EVC2: variants seen among roughly 807,000 people sequenced by gnomAD.
EVC2 encodes the protein EvC ciliary complex subunit 2.
EVC2 carries 148 observed loss-of-function variants against 149.3 expected under a neutral mutation model. The observed-to-expected ratio is 0.99, with a 90% confidence interval of 0.87 to 1.14. The LOEUF is 1.14. EVC2 is among the 50% of genes most tolerant of loss of function. EVC2 has a pLI of 0.00. For missense variants in EVC2, 1,854 were observed against 1,627.3 expected (o/e 1.14, Z -2.40); for synonymous variants, 776 against 649.9 (o/e 1.19, Z -2.95).
At chr4:5,568,779 G>A (rs763259284) in intron 19 of EVC2, 139 bp from the exon 20 acceptor site, 76 of 1,117,448 alleles carry the variant, frequency 6.8e-5, no homozygotes, top group Admixed American at 1.6e-4. Context: ...ACATGTTCCC[G>A]AACTTTCAGA....
Position 5,628,567 on chromosome 4 carries a change from C to T in EVC2, c.1878G>A (p.Lys626=), listed in dbSNP as rs1001648119. The T allele has an allele frequency of 3.7e-6, 6 of 1,613,984 alleles. No individual in the cohort carries two copies. The highest frequency in any genetic ancestry group is 1.7e-5 in the Admixed American group (1 of 59,996). Residue 626 remains lysine (K), a synonymous_variant, in exon 12 of 22, where the codon AAG becomes AAA. Coordinates refer to ENST00000344408, the MANE Select transcript of EVC2 (RefSeq NM_147127.5). Reference sequence around the variant, plus strand: ...ACAGTGTTGAGTGGTACCTCTCGTGCTTCTGAATGAGGTGAGTCAGCTGGG... The same window carrying T: ...ACAGTGTTGAGTGGTACCTCTCGTGTTTCTGAATGAGGTGAGTCAGCTGGG... The part of the protein sequence containing the change: ...AAAQLTHLIQ[K]HERAGYLDED...
At chr4:5,643,850 G>T (rs971947228) in intron 9 of EVC2, among the ~76,000 whole-genome samples, 1 of 152,078 alleles carries the variant, frequency 6.6e-6, no homozygotes, top group African/African-American at 2.4e-5. Context: ...GGCCAAGATT[G>T]CACCACGGCA....
At chr4:5,664,913 GTGCGTGTGGGTGACGGGC>G (rs1459618413) in intron 8 of EVC2, among the ~76,000 whole-genome samples, 1 of 149,522 alleles carries the variant, frequency 6.7e-6, no homozygotes, top group Non-Finnish European at 1.5e-5. Context: ...GGGTGATGGG[GTGCGTGTGGGTGACGGGC>G]TGCGTGTGGG....
At chr4:5,547,594 C>T (rs1721646941) in intron 21 of EVC2, among the ~76,000 whole-genome samples, 1 of 152,168 alleles carries the variant, frequency 6.6e-6, no homozygotes, top group Admixed American at 6.5e-5. Context: ...TCAGCCAAAG[C>T]TGAGCAGACA....
intron 16 of EVC2, among the ~76,000 whole-genome samples, chr4:5,592,758 C>T (rs1712928791): frequency 6.6e-6 from 1 of 152,198 alleles, no homozygotes; most frequent in Non-Finnish European, 1.5e-5. Flanking sequence ...AGCATGTGCA[C>T]AACTTCTGTA....
Position 5,584,656 on chromosome 4 carries a change from C to T in EVC2, c.3024G>A (p.Ser1008=), listed in dbSNP as rs372719753. 2.6e-4 allele frequency: 425 copies of T among 1,613,830 alleles called. 2 individuals carry two copies. In the South Asian group the frequency reaches 4.1e-3, roughly 16 times the overall value. The stretch of plus-strand genomic sequence containing the variant: ...GCGACTCCAGGATCTGTGTGCAGGC[C>T]GACTTGGTCAGCATCTCAGATGCAC... ...ELSASEMLTK[S]ACTQILESHS... The change falls in exon 17 of 22, where the codon TCG becomes TCA. Residue 1008 remains serine (S), a synonymous_variant. Coordinates refer to ENST00000344408, the MANE Select transcript of EVC2 (RefSeq NM_147127.5).
intron 16 of EVC2, among the ~76,000 whole-genome samples, chr4:5,602,978 G>A (rs1231022649): frequency 1.3e-5 from 2 of 152,180 alleles, no homozygotes; most frequent in Admixed American, 1.3e-4. Flanking sequence ...ATGGCTGGGG[G>A]AAGCTGCTCT....
Position 5,576,259 on chromosome 4 carries a change from G to GT in EVC2, c.3252dup (p.Leu1085ThrfsTer88), listed in dbSNP as rs771460962. The GT allele has an allele frequency of 6.2e-7, 1 of 1,614,152 alleles. No homozygotes were observed. On this transcript the variant is annotated frameshift_variant, in exon 18 of 22. Transcript: ENST00000344408. LOFTEE classifies it high-confidence loss of function. This position sits in a 1 kb window ranked among gnomAD's most constrained non-coding sequence, Gnocchi z 4.5. ...GCATACCACTGCTGATGTTGCTCCA[G>GT]TAATGTCTGGCTCTTGCTCAGGGCT...
rs1473352726 is a variant in EVC2 at position 5,661,346 on chromosome 4, C to T, written c.1145+1761G>A. ...CAATCTCTGACTGGATTAATATAATCCATAATTATGTTGCTAGCCACTTAG... is the reference window on the plus strand; with the variant it reads ...CAATCTCTGACTGGATTAATATAATTCATAATTATGTTGCTAGCCACTTAG... On this transcript the variant is annotated intron_variant, in intron 9 of 21. Transcript: ENST00000344408. Among the ~76,000 whole-genome samples the T allele has an allele frequency of 2.6e-5, 4 of 152,174 alleles. No homozygotes were observed. In the East Asian group the frequency reaches 7.7e-4, roughly 29 times the overall value.
At chr4:5,590,480 G>A (rs1468784622) in intron 16 of EVC2, among the ~76,000 whole-genome samples, 1 of 151,446 alleles carries the variant, frequency 6.6e-6, no homozygotes, top group Non-Finnish European at 1.5e-5. Flanking sequence ...ACCATCATTA[G>A]GTTTTCTTCC....
chr4:5,566,854 C>T (rs1351425044), intron 20 of EVC2, among the ~76,000 whole-genome samples: 1 of 152,146 alleles, frequency 6.6e-6, no homozygotes, highest in African/African-American at 2.4e-5. Context: ...TCCCCGCAGC[C>T]ACACACGTTC....
chr4:5,624,900 G>A (rs189943494), intron 13 of EVC2, among the ~76,000 whole-genome samples: 7 of 152,174 alleles, frequency 4.6e-5, no homozygotes, highest in African/African-American at 2.4e-5. Context: ...AACTACTTGC[G>A]TGTCACTCTG....
Position 5,625,884 on chromosome 4 carries a change from T to A in EVC2, c.1911A>T (p.Gln637His), listed in dbSNP as rs1366322768. The change falls in exon 13 of 22, where the codon CAA becomes CAT. Residue 637 changes from glutamine (Q) to histidine (H), a missense_variant. Coordinates refer to ENST00000344408, the MANE Select transcript of EVC2 (RefSeq NM_147127.5). This position sits in a 1 kb window ranked among gnomAD's most constrained non-coding sequence, Gnocchi z 4.0. ...GAGCCCGCTCCAATAGCATTTCCAT[T>A]TGGTCTTCATCCAGGTACCCTGCTC... is the stretch of plus-strand genomic sequence containing the variant. ...HERAGYLDED[Q>H]MEMLLERAQT... 6.2e-7 allele frequency: 1 copy of A among 1,613,980 alleles called. No individual in the cohort carries two copies. Among genetic ancestry groups the A allele is most frequent in the African/African-American group, 1.3e-5 (1 of 74,926 alleles).
chr4:5,685,630 G>A, intron 5 of EVC2, 151 bp from the exon 6 acceptor site: 1 of 657,206 alleles, frequency 1.5e-6, no homozygotes, highest in Non-Finnish European at 2.7e-6. Context: ...GAAGCCCTTT[G>A]TATTGCACAC....
chr4:5,695,844 T>C (rs929862710), intron 2 of EVC2, among the ~76,000 whole-genome samples: 2 of 152,224 alleles, frequency 1.3e-5, no homozygotes, highest in Non-Finnish European at 2.9e-5. Flanking sequence ...TTTGAAACTT[T>C]CTATAGAATT....
downstream of EVC2, among the ~76,000 whole-genome samples, chr4:5,539,119 A>G (rs756648514): frequency 2.0e-5 from 3 of 152,186 alleles, no homozygotes; most frequent in Non-Finnish European, 4.4e-5. Context: ...ATTCAACTAA[A>G]CCAACAAAAA....
chr4:5,665,655 G>A lies in EVC2; in HGVS notation c.871-6C>T, dbSNP rs1211211906. On this transcript the variant is annotated splice_polypyrimidine_tract_variant and splice_region_variant and intron_variant, in intron 7 of 21. Coordinates refer to ENST00000344408, the MANE Select transcript of EVC2 (RefSeq NM_147127.5). ...AGGCCGTGGTGCGGCAGAACCTGTG[G>A]AGACAAGAGGAGAGCAGGATTCATG... 3 of 1,614,022 alleles carry A rather than the reference G, an allele frequency of 1.9e-6. No individual in the cohort carries two copies. Among genetic ancestry groups the A allele is most frequent in the East Asian group, 2.2e-5 (1 of 44,876 alleles).
chr4:5,705,033 G>A (rs1722046435), intron 1 of EVC2, among the ~76,000 whole-genome samples: 1 of 152,080 alleles, frequency 6.6e-6, no homozygotes, highest in South Asian at 2.1e-4. Flanking sequence ...AGAATTCCAA[G>A]GCTGCAGTTT....
rs151115578 is a variant in EVC2, at chr4:5,679,069, CAAA to C, written c.870+2188_870+2190del. Among the ~76,000 whole-genome samples the C allele has an allele frequency of 7.0e-6, 1 of 143,762 alleles. No individual in the cohort carries two copies. Among genetic ancestry groups the C allele is most frequent in the Non-Finnish European group, 1.5e-5 (1 of 65,288 alleles). The allele number at this position is 143,762 out of a possible 152,430, so 94.3% of individuals were successfully genotyped here. A position where few individuals can be genotyped will look rare whatever the true frequency, so the allele number is the denominator to read the frequency against. On this transcript the variant is annotated intron_variant, in intron 7 of 21. Transcript: ENST00000344408. The surrounding 1 kb of genome is among the most constrained non-coding windows in gnomAD (Gnocchi z 5.1). ...AGAAAAGAAAAATATGTACAAAAGA[CAAA>C]AAAAAAAATACACTCGTATAGGAAA... is the stretch of plus-strand genomic sequence containing the variant.
Sources: gnomAD v4.1 joint callset for allele counts (sites outside exome capture counted in the v4.1 genomes callset) on GRCh38, gnomAD v4.1.1 for gene constraint, Gnocchi (gnomAD v3.1) non-coding constraint, MANE v1.5 for transcripts, NCBI Gene and HGNC (gene_info 2026-07-23, HGNC 2026-07-21) for gene names.